Variants in FRAS1 observed in about 807,000 individuals in gnomAD.
FRAS1 encodes Fraser extracellular matrix complex subunit 1, also known as extracellular matrix organizing protein FRAS1.
In FRAS1, 290 loss-of-function variants were observed where a neutral mutation model predicts 435.2. The observed-to-expected ratio is 0.67, with a 90% CI of 0.61 to 0.73. The LOEUF (loss-of-function observed/expected upper bound fraction) is 0.73. FRAS1 is among the 30% of genes least tolerant of loss of function. The probability of loss-of-function intolerance (pLI) is 0.00; values close to 1 mark genes in which losing one functional copy is unlikely to be tolerated. For synonymous variants in FRAS1, 1,800 were observed against 1,851.0 expected (o/e 0.97, Z 0.71); for missense variants, 4,860 against 5,001.5 (o/e 0.97, Z 0.85).
intron 2 of FRAS1, among the ~76,000 whole-genome samples, chr4:78,087,020 C>A (rs1214004510): frequency 2.6e-5 from 4 of 152,140 alleles, no homozygotes; most frequent in Non-Finnish European, 4.4e-5. Context: ...AAGCAAAAAT[C>A]CTCAATAAAA....
intron 2 of FRAS1, among the ~76,000 whole-genome samples, chr4:78,153,601 T>C (rs1437295656): frequency 6.6e-6 from 1 of 152,186 alleles, no homozygotes; most frequent in Non-Finnish European, 1.5e-5. Context: ...AGACTGTCTG[T>C]ATATTTCATA....
intron 43 of FRAS1, among the ~76,000 whole-genome samples, 195 bp from the exon 44 acceptor site, chr4:78,447,858 C>T (rs1274818600): frequency 1.3e-5 from 2 of 152,096 alleles, no homozygotes; most frequent in Non-Finnish European, 2.9e-5. Flanking sequence ...ACTTTGTCTT[C>T]TTTATTTGTG....
chr4:78,127,233 A>G (rs1173882507), intron 2 of FRAS1, among the ~76,000 whole-genome samples: 2 of 152,144 alleles, frequency 1.3e-5, no homozygotes, highest in African/African-American at 2.4e-5. Context: ...GGATTTCAGA[A>G]TGGCCTGAAT....
chr4:78,390,564 G>A (rs1732406302), intron 29 of FRAS1, among the ~76,000 whole-genome samples: 1 of 152,190 alleles, frequency 6.6e-6, no homozygotes, highest in South Asian at 2.1e-4. Flanking sequence ...AATAAAGACA[G>A]TAATTTAGTC....
chr4:78,436,689 T>A (rs1339428698), intron 38 of FRAS1, among the ~76,000 whole-genome samples: 4 of 149,954 alleles, frequency 2.7e-5, no homozygotes, highest in African/African-American at 9.8e-5. Context: ...AATGTTGAGT[T>A]AAAAAAAAAA....
At chr4:78,524,515 A>T (rs879829747) in intron 69 of FRAS1, among the ~76,000 whole-genome samples, 1 of 152,234 alleles carries the variant, frequency 6.6e-6, no homozygotes. Context: ...GATTAAAAGA[A>T]CTGCAAGATT....
chr4:78,428,568 C>A (rs1318305428), intron 35 of FRAS1, among the ~76,000 whole-genome samples: 2 of 152,218 alleles, frequency 1.3e-5, no homozygotes. Context: ...CGTGATCCGC[C>A]TGCCTCGGCC....
chr4:78,159,946 A>ACT (rs1721068119), intron 2 of FRAS1, among the ~76,000 whole-genome samples: 1 of 152,152 alleles, frequency 6.6e-6, no homozygotes, highest in South Asian at 2.1e-4. Context: ...ATATCTTATT[A>ACT]CTCTCATTCA....
At chr4:78,141,225 G>A (rs1720169491) in intron 2 of FRAS1, among the ~76,000 whole-genome samples, 5 of 152,048 alleles carry the variant, frequency 3.3e-5, no homozygotes, top group African/African-American at 9.7e-5. Context: ...GCGCCAGTGT[G>A]TGATGTTCCC....
At chr4:78,094,640 AG>A (rs1486139224) in intron 2 of FRAS1, among the ~76,000 whole-genome samples, 10 of 152,274 alleles carry the variant, frequency 6.6e-5, no homozygotes, top group East Asian at 3.9e-4. Flanking sequence ...CATTAAGAAA[AG>A]ATGTGTAATT....
intron 14 of FRAS1, among the ~76,000 whole-genome samples, chr4:78,300,253 A>G (rs537911798): frequency 1.3e-5 from 2 of 152,316 alleles, no homozygotes. Context: ...ACTAAAACTT[A>G]TCCAAAGCTT....
intron 22 of FRAS1, among the ~76,000 whole-genome samples, chr4:78,367,292 C>T (rs67594625): frequency 0.17 from 25,459 of 151,710 alleles, 2,720 homozygotes; most frequent in East Asian, 0.33. Flanking sequence ...GTGGACCCAG[C>T]TATATGGGAA....
chr4:78,191,317 A>G (rs139758343), intron 2 of FRAS1, among the ~76,000 whole-genome samples: 1 of 152,326 alleles, frequency 6.6e-6, no homozygotes, highest in African/African-American at 2.4e-5. Context: ...TAAATGTGGT[A>G]ACATTCTCTC....
Position 78,251,430 on chromosome 4 carries a change from C to A in FRAS1, c.310-962C>A, listed in dbSNP as rs188141265. Among the ~76,000 whole-genome samples the A allele has an allele frequency of 2.6e-4, 39 of 152,300 alleles. No individual in the cohort carries two copies. In the East Asian group the frequency reaches 7.1e-3, roughly 28 times the overall value. On this transcript the variant is annotated intron_variant, in intron 4 of 73. Transcript: ENST00000512123. Reference sequence around the variant, plus strand: ...GATCAAATATAGTCAAGGTGTACAACACGGTTGGATATGCATATATATTGT... The same window carrying A: ...GATCAAATATAGTCAAGGTGTACAAAACGGTTGGATATGCATATATATTGT...
At chr4:78,449,642 G>A (rs565861478) in intron 44 of FRAS1, among the ~76,000 whole-genome samples, 20 of 152,244 alleles carry the variant, frequency 1.3e-4, no homozygotes, top group Admixed American at 9.2e-4. Flanking sequence ...GGGCCCAGAG[G>A]CTCAGATCTC....
chr4:78,528,698 T>G (rs1190965825), intron 70 of FRAS1, among the ~76,000 whole-genome samples: 1 of 152,202 alleles, frequency 6.6e-6, no homozygotes, highest in Non-Finnish European at 1.5e-5. Context: ...GGGGCTATGA[T>G]AAATAAAGCT....
rs1313871025 is a variant in FRAS1, at chr4:78,482,462, C to T, written c.8679C>T (p.Leu2893=). The change falls in exon 58 of 74, where the codon CTC becomes CTT. Residue 2893 remains leucine (L), a synonymous_variant. Coordinates refer to ENST00000512123, the MANE Select transcript of FRAS1 (RefSeq NM_025074.7). ...IEGLETFVVF[L]SSAQGAELTK... is the part of the protein sequence containing the mutation. Reference sequence around the variant, plus strand: ...GACTGGAGACATTTGTGGTTTTCCTCAGCTCAGCACAAGGAGCCGAACTGA... The same window carrying T: ...GACTGGAGACATTTGTGGTTTTCCTTAGCTCAGCACAAGGAGCCGAACTGA... The T allele has an allele frequency of 6.2e-7, 1 of 1,613,950 alleles. No homozygotes were observed. Among genetic ancestry groups the T allele is most frequent in the Non-Finnish European group, 8.5e-7 (1 of 1,179,832 alleles).
intron 2 of FRAS1, among the ~76,000 whole-genome samples, chr4:78,155,869 T>C (rs1333010134): frequency 6.6e-6 from 1 of 152,178 alleles, no homozygotes; most frequent in Non-Finnish European, 1.5e-5. Flanking sequence ...GGGCCATCAA[T>C]GGGATCTCTG....
At chr4:78,068,955 G>A (rs917069823) in intron 2 of FRAS1, among the ~76,000 whole-genome samples, 16 of 152,310 alleles carry the variant, frequency 1.1e-4, no homozygotes, top group East Asian at 5.8e-4. Context: ...AGTGAAATTG[G>A]AGAGTGAATG....
Sources: allele counts gnomAD v4.1 joint callset (sites outside exome capture counted in the v4.1 genomes callset), GRCh38; gene constraint gnomAD v4.1.1; transcripts MANE v1.5; gene names NCBI Gene and HGNC (gene_info 2026-07-23, HGNC 2026-07-21).